SLC13A4: variants seen among roughly 807,000 people sequenced by gnomAD.
The protein encoded by SLC13A4 is solute carrier family 13 member 4, also known as Na(+)/sulfate cotransporter SUT-1.
SLC13A4 carries 28 observed loss-of-function variants against 72.7 expected under a neutral mutation model. The observed-to-expected ratio is 0.39, with a 90% CI of 0.29 to 0.53. The LOEUF is 0.53. SLC13A4 is among the 20% of genes least tolerant of loss of function. SLC13A4 has a pLI of 0.78. For synonymous variants in SLC13A4, 312 were observed against 325.5 expected (o/e 0.96, Z 0.45); for missense variants, 653 against 788.0 (o/e 0.83, Z 2.05).
intron 14 of SLC13A4, among the ~76,000 whole-genome samples, chr7:135,684,502 T>C (rs572488614): frequency 6.6e-6 from 1 of 152,334 alleles, no homozygotes; most frequent in East Asian, 1.9e-4. Context: ...AAGGGATGTT[T>C]GATTTTTTTG....
chr7:135,713,877 A>C (rs758996061), intron 2 of SLC13A4, among the ~76,000 whole-genome samples: 2 of 152,342 alleles, frequency 1.3e-5, no homozygotes, highest in Non-Finnish European at 2.9e-5. Context: ...GCCCAGCCTC[A>C]TCTGAACAAT....
At chr7:135,696,764 A>G (rs1225325227) in intron 8 of SLC13A4, among the ~76,000 whole-genome samples, 1 of 151,904 alleles carries the variant, frequency 6.6e-6, no homozygotes, top group East Asian at 1.9e-4. Flanking sequence ...TGCTTCTCCC[A>G]CCTCTTGACC....
In SLC13A4 at chr7:135,683,826, CTTG is replaced by C. The variant is rs1229613136; in HGVS notation, c.1746+295_1746+297del. 8 of 971,786 alleles carry C rather than the reference CTTG, an allele frequency of 8.2e-6. No individual in the cohort carries two copies. The African/African-American group carries it at 1.4e-4, about 17-fold the overall frequency. The allele number at this position is 971,786 out of a possible 1,614,324, so 60.2% of individuals were successfully genotyped here. A position where few individuals can be genotyped will look rare whatever the true frequency, so the allele number is the denominator to read the frequency against. On this transcript the variant is annotated intron_variant, in intron 15 of 15. Transcript: ENST00000682651. ...GCCTAATGAAGAAACGAAGGCAAAA[CTTG>C]TTTGCACAGGCTCATGCCTTCTGGA...
intron 7 of SLC13A4, among the ~76,000 whole-genome samples, chr7:135,700,517 C>T (rs913189342): frequency 6.6e-6 from 1 of 152,222 alleles, no homozygotes; most frequent in South Asian, 2.1e-4. Flanking sequence ...GCTGACCCTC[C>T]AGACCTCTAA....
At chr7:135,699,022 C>T (rs1213459261) in intron 8 of SLC13A4, among the ~76,000 whole-genome samples, 2 of 152,048 alleles carry the variant, frequency 1.3e-5, no homozygotes, top group Non-Finnish European at 2.9e-5. Context: ...CTCACCGTAA[C>T]CTCAAATTCC....
chr7:135,691,833 T>C, intron 11 of SLC13A4, 188 bp from the exon 12 acceptor site: 1 of 550,910 alleles, frequency 1.8e-6, no homozygotes, highest in East Asian at 3.1e-5. Flanking sequence ...GGCGAATGTC[T>C]GGAGGCAGGG....
chr7:135,721,442 C>A lies in SLC13A4; in HGVS notation c.181G>T (p.Val61Leu), dbSNP rs765161758. 6.2e-7 allele frequency: 1 copy of A among 1,614,122 alleles called. No homozygotes were observed. ...AAGAACGGGTAAAGGAAGGCCGGCA[C>A]CAGGGCTGCAGCTCCCAGAGGCACT... ...EAVPLGAAAL[V>L]PAFLYPFFGV... The change falls in exon 2 of 16, where the codon GTG becomes TTG. Residue 61 changes from valine to leucine, a missense_variant. Val to Leu is a conservative substitution (Grantham distance 32). Transcript: ENST00000682651.
intron 2 of SLC13A4, among the ~76,000 whole-genome samples, chr7:135,718,474 G>A (rs1370407926): frequency 6.6e-6 from 1 of 151,902 alleles, no homozygotes; most frequent in Non-Finnish European, 1.5e-5. Flanking sequence ...CTACAGACAG[G>A]CCATAGACAT....
In SLC13A4 at chr7:135,685,674, G is replaced by A. The variant is rs535102941; in HGVS notation, c.1456C>T (p.Leu486Phe). Residue 486 changes from leucine (L) to phenylalanine (F), a missense_variant, in exon 14 of 16, where the codon CTC (leucine) becomes TTC (phenylalanine). Leu to Phe is a conservative substitution (Grantham distance 22, BLOSUM62 0). Transcript: ENST00000682651. ...ATCTGGTTCCCAATCCATGTAGAGA[G>A]GCCAGAGCTCTGTAGGAAGAGGTGT... ...ALASGSKSSGLSTWIGNQMLS... is the reference protein window; with the variant it reads ...ALASGSKSSGFSTWIGNQMLS... The A allele has an allele frequency of 3.6e-4, 582 of 1,613,768 alleles. 10 individuals are homozygous for A. The South Asian group carries it at 6.1e-3, about 17-fold the overall frequency.
intron 2 of SLC13A4, among the ~76,000 whole-genome samples, chr7:135,711,908 G>A (rs1563167303): frequency 1.5e-5 from 2 of 137,608 alleles, no homozygotes; most frequent in Non-Finnish European, 3.1e-5. Context: ...CAGGTGCTTA[G>A]AAAAACTAAG....
At chr7:135,711,729 C>A (rs557190722) in intron 2 of SLC13A4, among the ~76,000 whole-genome samples, 2 of 152,126 alleles carry the variant, frequency 1.3e-5, no homozygotes, top group African/African-American at 4.8e-5. Context: ...ACAGCATGAG[C>A]TGGCACACAT....
intron 2 of SLC13A4, 116 bp from the exon 3 acceptor site, chr7:135,708,366 G>A: frequency 1.4e-6 from 2 of 1,391,916 alleles, no homozygotes; most frequent in South Asian, 1.3e-5. Context: ...AGAGGCTGGC[G>A]AAGGGGAGGC....
chr7:135,701,603 T>C (rs113959575), intron 7 of SLC13A4, 77 bp downstream of exon 7: 4 of 1,442,216 alleles, frequency 2.8e-6, no homozygotes, highest in African/African-American at 1.4e-5. Context: ...CCCTTACGAC[T>C]TCAAGACCAG....
intron 5 of SLC13A4, chr7:135,704,253 G>C (rs1796111647): frequency 6.6e-6 from 1 of 152,426 alleles, no homozygotes; most frequent in Admixed American, 6.5e-5. Flanking sequence ...AGGGTGGCGT[G>C]AGTGTTAATC....
intron 2 of SLC13A4, among the ~76,000 whole-genome samples, chr7:135,715,317 ATGTG>A (rs1256113501): frequency 9.3e-6 from 1 of 107,918 alleles, no homozygotes; most frequent in Non-Finnish European, 1.8e-5. Flanking sequence ...AAGCATGTGT[ATGTG>A]TGTGAGTAAG....
intron 1 of SLC13A4, among the ~76,000 whole-genome samples, chr7:135,722,553 T>G (rs1472051463): frequency 1.3e-5 from 2 of 151,776 alleles, no homozygotes; most frequent in African/African-American, 2.4e-5. Context: ...GTAGCTTTGT[T>G]CTCATTTGAT....
At chr7:135,717,131 C>A (rs1796450192) in intron 2 of SLC13A4, among the ~76,000 whole-genome samples, 1 of 152,200 alleles carries the variant, frequency 6.6e-6, no homozygotes, top group Non-Finnish European at 1.5e-5. Context: ...ATATTTTCAA[C>A]TGCAATCTCA....
At chr7:135,707,830 C>T in intron 3 of SLC13A4, 1 of 296,016 alleles carries the variant, frequency 3.4e-6, no homozygotes, top group South Asian at 1.3e-4. Flanking sequence ...TTGGTCCATC[C>T]TGTTTTACCT....
chr7:135,683,874 G>T, intron 15 of SLC13A4: 1 of 816,538 alleles, frequency 1.2e-6, no homozygotes, highest in Non-Finnish European at 1.5e-6. Flanking sequence ...CAGCCTGTCT[G>T]TTCCAGCTTT....
Sources: gnomAD v4.1 joint callset for allele counts (sites outside exome capture counted in the v4.1 genomes callset) on GRCh38, gnomAD v4.1.1 for gene constraint, MANE v1.5 for transcripts, NCBI Gene and HGNC (gene_info 2026-07-23, HGNC 2026-07-21) for gene names.